Variants in DLG2 observed in about 807,000 individuals in gnomAD.
The protein encoded by DLG2 is disks large homolog 2.
A neutral mutation model predicts 132.5 loss-of-function variants in DLG2; 45 were observed. The ratio of observed to expected loss-of-function variants is 0.34; its 90% CI spans 0.27 to 0.44. DLG2 has a LOEUF of 0.44. Ranked by LOEUF, DLG2 falls within the 20% of genes least tolerant of loss-of-function variation. The probability of loss-of-function intolerance (pLI) is 1.00; values close to 1 mark genes in which losing one functional copy is unlikely to be tolerated. For missense variants in DLG2, 1,045 were observed against 1,196.9 expected, an observed-to-expected ratio of 0.87 and a Z score of 1.87; for synonymous variants, 424 against 419.6, an observed-to-expected ratio of 1.01 and a Z score of -0.13.
intron 16 of DLG2, among the ~76,000 whole-genome samples, chr11:83,842,678 T>G: frequency 6.6e-6 from 1 of 151,590 alleles, no homozygotes; most frequent in East Asian, 1.9e-4. Flanking sequence ...TAGCCGGGCA[T>G]GGTGGCGGGT....
intron 11 of DLG2, among the ~76,000 whole-genome samples, chr11:83,984,024 T>C (rs983652755): frequency 2.0e-5 from 3 of 152,022 alleles, no homozygotes; most frequent in Admixed American, 6.6e-5. Flanking sequence ...TTACATCCAC[T>C]ATGCCAGCAG....
intron 7 of DLG2, among the ~76,000 whole-genome samples, chr11:84,526,513 T>G (rs1156792920): frequency 2.6e-5 from 4 of 152,150 alleles, no homozygotes; most frequent in Non-Finnish European, 5.9e-5. Context: ...TTCATGCAGT[T>G]TCAGCTACCA....
chr11:85,357,174 C>T (rs1301388039), intron 3 of DLG2, among the ~76,000 whole-genome samples: 1 of 151,604 alleles, frequency 6.6e-6, no homozygotes, highest in Non-Finnish European at 1.5e-5. Flanking sequence ...TTCCTTTTCA[C>T]TATGCATACC....
At position 83,782,700 on chromosome 11, in the gene DLG2, A is replaced by G. The variant is rs573692889; in HGVS notation, c.1825+3990T>C. On this transcript the variant is annotated intron_variant, in intron 18 of 27. Transcript: ENST00000376104. ...AGCAGTCCTGTGTAGCAGGGGTACA[A>G]TGAGAAAGGCTGATACTGTGGGTGG... Among the ~76,000 whole-genome samples, 5 of 152,242 alleles carry G rather than the reference A, an allele frequency of 3.3e-5. No individual in the cohort carries two copies. In the East Asian group the frequency reaches 7.7e-4, roughly 24 times the overall value.
intron 8 of DLG2, among the ~76,000 whole-genome samples, chr11:84,245,867 T>G (rs891222054): frequency 6.6e-6 from 1 of 152,184 alleles, no homozygotes; most frequent in African/African-American, 2.4e-5. Context: ...AAGGCCCTGA[T>G]GTACTAGTTT....
At chr11:85,508,380 C>T (rs2093982659) in intron 3 of DLG2, among the ~76,000 whole-genome samples, 1 of 152,074 alleles carries the variant, frequency 6.6e-6, no homozygotes, top group Non-Finnish European at 1.5e-5. Context: ...TTGCTATTCC[C>T]TCTGCCTGAT....
intron 16 of DLG2, among the ~76,000 whole-genome samples, chr11:83,873,442 C>T (rs1454159939): frequency 6.6e-6 from 1 of 152,264 alleles, no homozygotes; most frequent in East Asian, 1.9e-4. Flanking sequence ...GAATAAGTCT[C>T]ATGAGATCTG....
At chr11:84,356,996 G>T (rs1206830969) in intron 7 of DLG2, among the ~76,000 whole-genome samples, 2 of 152,026 alleles carry the variant, frequency 1.3e-5, no homozygotes, top group African/African-American at 4.8e-5. Flanking sequence ...GAGTAAGAGA[G>T]TTGCACGATG....
chr11:83,554,260 A>C (rs1370443339), intron 19 of DLG2, among the ~76,000 whole-genome samples: 1 of 152,172 alleles, frequency 6.6e-6, no homozygotes, highest in Non-Finnish European at 1.5e-5. Context: ...TCATCCATAC[A>C]TCCACTCATT....
chr11:84,170,394 T>C (rs1359630397), intron 8 of DLG2, among the ~76,000 whole-genome samples: 1 of 152,088 alleles, frequency 6.6e-6, no homozygotes, highest in African/African-American at 2.4e-5. Context: ...CAAAGTTGGG[T>C]GAAATATGGT....
At chr11:85,342,799 C>T (rs768796848) in intron 3 of DLG2, among the ~76,000 whole-genome samples, 4 of 152,064 alleles carry the variant, frequency 2.6e-5, no homozygotes, top group African/African-American at 4.8e-5. Context: ...TTTTCAGCTC[C>T]GTTATAATAT....
chr11:84,760,592 C>T (rs2067482047), intron 6 of DLG2, among the ~76,000 whole-genome samples: 1 of 152,226 alleles, frequency 6.6e-6, no homozygotes, highest in African/African-American at 2.4e-5. Flanking sequence ...AGCGGCCCCA[C>T]AACACTGTGC....
intron 19 of DLG2, among the ~76,000 whole-genome samples, chr11:83,603,021 T>C (rs1291541612): frequency 6.6e-6 from 1 of 150,612 alleles, no homozygotes; most frequent in East Asian, 1.9e-4. Flanking sequence ...CCAGTGACTG[T>C]GTGTGTGTGT....
chr11:84,189,706 C>T (rs1032543025), intron 8 of DLG2, among the ~76,000 whole-genome samples: 10 of 152,120 alleles, frequency 6.6e-5, no homozygotes, highest in Admixed American at 2.0e-4. Flanking sequence ...TTATTCTCAA[C>T]AAACTAATGC....
At chr11:85,384,739 T>G (rs1448110673) in intron 3 of DLG2, among the ~76,000 whole-genome samples, 1 of 152,136 alleles carries the variant, frequency 6.6e-6, no homozygotes, top group East Asian at 1.9e-4. Flanking sequence ...GGCTAAGTTT[T>G]GTATTTTTAG....
intron 18 of DLG2, among the ~76,000 whole-genome samples, chr11:83,696,602 A>T (rs1199016417): frequency 1.3e-5 from 2 of 152,228 alleles, no homozygotes; most frequent in Non-Finnish European, 2.9e-5. Context: ...TGATACATTA[A>T]GTACAAAATG....
chr11:85,618,410 C>T (rs992852985), intron 2 of DLG2, among the ~76,000 whole-genome samples: 9 of 152,142 alleles, frequency 5.9e-5, no homozygotes, highest in Admixed American at 4.6e-4. Flanking sequence ...ATGTATTTTA[C>T]AGAACAGTGA....
intron 7 of DLG2, among the ~76,000 whole-genome samples, chr11:84,468,136 AAATGTTATTTTACTCTTTTC>A (rs1340809614): frequency 2.0e-5 from 3 of 151,596 alleles, no homozygotes; most frequent in African/African-American, 7.3e-5. Flanking sequence ...GATTCTCCAT[AAATGTTATTTTACTCTTTTC>A]ATCTTTCATA....
intron 11 of DLG2, among the ~76,000 whole-genome samples, chr11:84,016,563 C>T (rs36034592): frequency 0.022 from 3,363 of 152,100 alleles, 68 homozygotes; most frequent in Middle Eastern, 0.034. Flanking sequence ...CAATTTTCTG[C>T]CTATGGCTAG....
Sources: allele counts gnomAD v4.1 joint callset (sites outside exome capture counted in the v4.1 genomes callset), GRCh38; gene constraint gnomAD v4.1.1; transcripts MANE v1.5; gene names NCBI Gene and HGNC (gene_info 2026-07-23, HGNC 2026-07-21).